The following DUS2 variants were observed in gnomAD, a reference collection of about 807,000 sequenced individuals.
DUS2 encodes tRNA-dihydrouridine(20) synthase [NAD(P)+]-like.
DUS2 carries 52 observed loss-of-function variants against 71.3 expected under a neutral mutation model. The ratio of observed to expected loss-of-function variants is 0.73; its 90% CI spans 0.58 to 0.92. The LOEUF (loss-of-function observed/expected upper bound fraction) is 0.92, where lower values mean the gene tolerates loss of function less well. Among genes scored for constraint, DUS2 ranks in the 40% least tolerant of loss-of-function variants. The pLI is 0.00. For missense variants in DUS2, 558 were observed against 622.6 expected (o/e 0.90, Z 1.10); for synonymous variants, 204 against 227.8 (o/e 0.90, Z 0.94).
chr16:68,074,559 G>A (rs1011507807), intron 13 of DUS2, among the ~76,000 whole-genome samples: 1 of 152,194 alleles, frequency 6.6e-6, no homozygotes, highest in Admixed American at 6.5e-5. Context: ...TAGATCAGGT[G>A]CAGCTCTAGC....
chr16:68,076,784 C>A, intron 15 of DUS2, 65 bp downstream of exon 15: 1 of 1,425,786 alleles, frequency 7.0e-7, no homozygotes, highest in Non-Finnish European at 9.8e-7. Context: ...ACACCCTCAA[C>A]TCTAGATTGC....
chr16:68,075,584 A>G, intron 14 of DUS2, 80 bp downstream of exon 14: 2 of 1,372,672 alleles, frequency 1.5e-6, no homozygotes, highest in South Asian at 1.6e-5. Context: ...TGGCTGCTGT[A>G]TGTGCTTAAT....
chr16:68,051,336 A>G (rs993643131), intron 4 of DUS2, among the ~76,000 whole-genome samples: 5 of 152,226 alleles, frequency 3.3e-5, no homozygotes, highest in Admixed American at 1.3e-4. Context: ...GCCTCTGGTC[A>G]TATTTTCATC....
chr16:68,058,531 G>T (rs2033894055), intron 7 of DUS2, among the ~76,000 whole-genome samples: 1 of 151,976 alleles, frequency 6.6e-6, no homozygotes, highest in Non-Finnish European at 1.5e-5. Context: ...CGGTGGTTTT[G>T]CTGTTTTCTG....
chr16:68,076,567 T>C, intron 14 of DUS2, 65 bp from the exon 15 acceptor site: 1 of 1,258,872 alleles, frequency 7.9e-7, no homozygotes, highest in South Asian at 1.2e-5. Flanking sequence ...AGCTGAGTAG[T>C]GCCCTGGCTG....
At chr16:68,037,123 A>G (rs1372021980) in intron 2 of DUS2, among the ~76,000 whole-genome samples, 1 of 149,596 alleles carries the variant, frequency 6.7e-6, no homozygotes, top group East Asian at 1.9e-4. Context: ...GTATCTGAGT[A>G]AAAAAAAAAT....
chr16:68,052,952 C>T (rs1222706757), intron 4 of DUS2, among the ~76,000 whole-genome samples: 1 of 146,888 alleles, frequency 6.8e-6, no homozygotes, highest in Non-Finnish European at 1.5e-5. Context: ...TATGTATGTA[C>T]ATTTTGTTTC....
At chr16:68,065,732 G>A (rs1018409211) in intron 8 of DUS2, among the ~76,000 whole-genome samples, 9 of 152,036 alleles carry the variant, frequency 5.9e-5, no homozygotes, top group Admixed American at 2.6e-4. Context: ...TCCCACCTCA[G>A]CCTCTCAAAG....
rs1364193507 is a variant in DUS2, at chr16:68,060,969, G to T, written c.370-97G>T. 14 of 1,194,282 alleles carry T rather than the reference G, an allele frequency of 1.2e-5. No individual in the cohort carries two copies. The East Asian group carries it at 3.3e-4, about 28-fold the overall frequency. 74.0% of individuals were successfully genotyped at this position (1,194,282 alleles called of 1,614,324 possible). A position where few individuals can be genotyped will look rare whatever the true frequency, so the allele number is the denominator to read the frequency against. On this transcript the variant is annotated intron_variant, in intron 7 of 16. Transcript: ENST00000565263. ...CAGTGGGCCTTGGTCCCTTGGAAGT[G>T]AGTGCCGGGGTGACGCTCAGTTGCC...
At chr16:68,056,533 G>A in intron 7 of DUS2, 109 bp downstream of exon 7, 1 of 833,514 alleles carries the variant, frequency 1.2e-6, no homozygotes. Context: ...GTACTAGATG[G>A]GGAAAATGCT....
At chr16:68,061,188 C>G in intron 8 of DUS2, 75 bp downstream of exon 8, 1 of 1,444,626 alleles carries the variant, frequency 6.9e-7, no homozygotes, top group Non-Finnish European at 9.7e-7. Flanking sequence ...CGCCTCCTTC[C>G]ACCAATACCA....
chr16:68,063,338 TGCGGGTCCTTCCAG>T (rs2033965506), intron 8 of DUS2, among the ~76,000 whole-genome samples: 1 of 152,144 alleles, frequency 6.6e-6, no homozygotes, highest in Non-Finnish European at 1.5e-5. Context: ...GTGAGAGCTT[TGCGGGTCCTTCCAG>T]GCTTGGCGTT....
intron 1 of DUS2, chr16:68,024,059 A>G (rs1211223714): frequency 1.9e-5 from 3 of 157,880 alleles, no homozygotes; most frequent in Non-Finnish European, 3.0e-5. Context: ...CTGAATTCAG[A>G]TATTCGGGTT....
chr16:68,049,432 T>C (rs2033748355), intron 3 of DUS2, 73 bp from the exon 4 acceptor site: 2 of 1,483,758 alleles, frequency 1.3e-6, no homozygotes, highest in Admixed American at 3.3e-5. Flanking sequence ...CCTCATTAGG[T>C]GTGTGATGAA....
chr16:68,075,728 T>G (rs1189637237), intron 14 of DUS2, among the ~76,000 whole-genome samples: 6 of 152,102 alleles, frequency 3.9e-5, no homozygotes, highest in Non-Finnish European at 7.4e-5. Context: ...ACTTTTTCCC[T>G]GATTTACCGC....
chr16:68,038,634 G>A (rs1315750432), intron 3 of DUS2, among the ~76,000 whole-genome samples: 1 of 151,370 alleles, frequency 6.6e-6, no homozygotes, highest in Non-Finnish European at 1.5e-5. Context: ...GGAGGGTGAG[G>A]CAGGAGAATT....
At chr16:68,031,613 A>G (rs1483047103) in intron 2 of DUS2, among the ~76,000 whole-genome samples, 5 of 151,262 alleles carry the variant, frequency 3.3e-5, no homozygotes, top group Admixed American at 3.3e-4. Flanking sequence ...AATAAACTCA[A>G]CATGTTTGGA....
chr16:68,076,846 C>A, intron 15 of DUS2, 127 bp downstream of exon 15: 1 of 672,776 alleles, frequency 1.5e-6, no homozygotes, highest in Non-Finnish European at 2.4e-6. Context: ...CTGCTGGTGG[C>A]CAGGTCAGTT....
intron 1 of DUS2, 32 bp downstream of exon 1, chr16:68,023,383 C>T: frequency 2.7e-6 from 2 of 727,678 alleles, no homozygotes; most frequent in Non-Finnish European, 4.4e-6. Flanking sequence ...ATGGCGACAT[C>T]CAGACCCGGC....
Sources: gnomAD v4.1 joint callset for allele counts (sites outside exome capture counted in the v4.1 genomes callset) on GRCh38, gnomAD v4.1.1 for gene constraint, MANE v1.5 for transcripts, NCBI Gene and HGNC (gene_info 2026-07-23, HGNC 2026-07-21) for gene names.